Variants in BABAM2 observed in about 807,000 individuals in gnomAD.
BABAM2 encodes BRISC and BRCA1 A complex member 2, also known as BRISC and BRCA1-A complex member 2.
In BABAM2, 31 loss-of-function variants were observed where a neutral mutation model predicts 54.7. That is an observed-to-expected ratio of 0.57 (90% CI 0.43 to 0.77). BABAM2 has a LOEUF of 0.77. BABAM2 is among the 30% of genes least tolerant of loss of function. The pLI is 0.00. For synonymous variants in BABAM2, 167 were observed against 162.9 expected (o/e 1.03, Z -0.19); for missense variants, 364 against 455.8 (o/e 0.80, Z 1.83).
Position 28,112,796 on chromosome 2 carries a change from A to G in BABAM2, c.571-16475A>G, listed in dbSNP as rs1237781243. On this transcript the variant is annotated intron_variant, in intron 6 of 11. Coordinates refer to ENST00000379624, the MANE Select transcript of BABAM2 (RefSeq NM_199191.3). ...AGGAATCGCCACACTGTCTTCCACA[A>G]TGGTTGAACTAATTTACACTCTCAA... is the stretch of plus-strand genomic sequence containing the variant. Among the ~76,000 whole-genome samples, 3 of 152,156 alleles carry G rather than the reference A, an allele frequency of 2.0e-5. No homozygotes were observed. In the East Asian group the frequency reaches 5.8e-4, roughly 29 times the overall value.
intron 4 of BABAM2, among the ~76,000 whole-genome samples, chr2:28,010,470 C>G (rs1674306638): frequency 6.6e-6 from 1 of 152,130 alleles, no homozygotes; most frequent in Non-Finnish European, 1.5e-5. Context: ...CAAACCAAAT[C>G]TATACTTTTG....
intron 10 of BABAM2, among the ~76,000 whole-genome samples, chr2:28,268,196 C>T (rs934686172): frequency 7.2e-5 from 11 of 152,106 alleles, no homozygotes; most frequent in African/African-American, 2.4e-4. Context: ...GTGTCCTGGC[C>T]GCAGTGGCAC....
intron 2 of BABAM2, among the ~76,000 whole-genome samples, chr2:27,922,162 T>C (rs752999802): frequency 6.6e-6 from 1 of 152,248 alleles, no homozygotes; most frequent in Admixed American, 6.5e-5. Flanking sequence ...GATGTCATCA[T>C]CTGTAAAATG....
chr2:27,902,930 A>T (rs1260869857), intron 2 of BABAM2, among the ~76,000 whole-genome samples: 4 of 151,630 alleles, frequency 2.6e-5, no homozygotes, highest in East Asian at 1.9e-4. Context: ...TGTGTGAGAG[A>T]GAGAGAGAGA....
chr2:28,104,268 G>A (rs943416722), intron 6 of BABAM2, among the ~76,000 whole-genome samples: 20 of 152,056 alleles, frequency 1.3e-4, no homozygotes, highest in African/African-American at 4.1e-4. Context: ...CTACAGAATG[G>A]GAGAAAATTT....
intron 10 of BABAM2, among the ~76,000 whole-genome samples, chr2:28,247,423 C>A (rs1043615989): frequency 1.3e-5 from 2 of 152,196 alleles, no homozygotes; most frequent in African/African-American, 4.8e-5. Flanking sequence ...TGCAGTTAAG[C>A]ATCTGACACT....
At chr2:28,149,031 A>G (rs1386397819) in intron 7 of BABAM2, among the ~76,000 whole-genome samples, 1 of 152,194 alleles carries the variant, frequency 6.6e-6, no homozygotes, top group African/African-American at 2.4e-5. Flanking sequence ...ATTAATAGCA[A>G]TGCATTTTCC....
intron 6 of BABAM2, among the ~76,000 whole-genome samples, chr2:28,101,417 T>C (rs1667070737): frequency 6.6e-6 from 1 of 152,234 alleles, no homozygotes; most frequent in Admixed American, 6.5e-5. Context: ...TATGTTGGCA[T>C]GTGAAGTGAG....
At chr2:28,007,085 T>G (rs1416786794) in intron 4 of BABAM2, among the ~76,000 whole-genome samples, 1 of 152,070 alleles carries the variant, frequency 6.6e-6, no homozygotes, top group South Asian at 2.1e-4. Context: ...AGCATCAGTA[T>G]TATTATTAAC....
intron 7 of BABAM2, among the ~76,000 whole-genome samples, chr2:28,181,203 C>T (rs1212136884): frequency 6.6e-6 from 1 of 152,076 alleles, no homozygotes; most frequent in Non-Finnish European, 1.5e-5. Flanking sequence ...GTACTATTTA[C>T]AGTAACAAAG....
At chr2:28,157,044 A>T (rs1672607570) in intron 7 of BABAM2, among the ~76,000 whole-genome samples, 1 of 152,200 alleles carries the variant, frequency 6.6e-6, no homozygotes, top group East Asian at 1.9e-4. Flanking sequence ...TGAAAATAGG[A>T]TGCTCTTTTA....
At chr2:28,091,203 G>T (rs1289716002) in intron 6 of BABAM2, among the ~76,000 whole-genome samples, 4 of 152,104 alleles carry the variant, frequency 2.6e-5, no homozygotes, top group African/African-American at 9.7e-5. Context: ...TAAAAATGGG[G>T]CCTTATGCCA....
intron 5 of BABAM2, among the ~76,000 whole-genome samples, chr2:28,044,995 TA>T (rs769876276): frequency 3.8e-3 from 529 of 137,976 alleles, no homozygotes; most frequent in Middle Eastern, 3.8e-3. Flanking sequence ...ATGACAAAGT[TA>T]AAAAAAAAAA....
chr2:27,950,533 A>G (rs1039205216), intron 3 of BABAM2, among the ~76,000 whole-genome samples: 1 of 152,026 alleles, frequency 6.6e-6, no homozygotes, highest in East Asian at 1.9e-4. Context: ...CTTTCTCTAT[A>G]TTGTTGGATT....
intron 10 of BABAM2, among the ~76,000 whole-genome samples, chr2:28,268,880 ATTAT>A (rs1460467547): frequency 6.6e-6 from 1 of 152,244 alleles, no homozygotes; most frequent in Non-Finnish European, 1.5e-5. Context: ...CACTGTAGAG[ATTAT>A]TTGTCTGCGG....
At chr2:28,058,341 T>A (rs1678596267) in intron 6 of BABAM2, among the ~76,000 whole-genome samples, 1 of 152,000 alleles carries the variant, frequency 6.6e-6, no homozygotes, top group Non-Finnish European at 1.5e-5. Context: ...TAATCATTAT[T>A]TTTGAGCAGG....
chr2:28,071,602 A>T (rs1664145876), intron 6 of BABAM2, among the ~76,000 whole-genome samples: 2 of 152,180 alleles, frequency 1.3e-5, no homozygotes, highest in Non-Finnish European at 2.9e-5. Flanking sequence ...TGGTGATACT[A>T]TAATTTTATC....
intron 7 of BABAM2, among the ~76,000 whole-genome samples, chr2:28,210,179 G>T (rs1399040117): frequency 6.6e-6 from 1 of 152,166 alleles, no homozygotes; most frequent in Non-Finnish European, 1.5e-5. Flanking sequence ...GGGAAGGCCT[G>T]TCCTCCCTGG....
intron 8 of BABAM2, among the ~76,000 whole-genome samples, chr2:28,240,245 C>T (rs557612634): frequency 6.6e-6 from 1 of 151,902 alleles, no homozygotes; most frequent in South Asian, 2.1e-4. Context: ...CTCAGGCTCC[C>T]GAGTAGCTAG....
Sources: gnomAD v4.1 joint callset for allele counts (sites outside exome capture counted in the v4.1 genomes callset) on GRCh38, gnomAD v4.1.1 for gene constraint, MANE v1.5 for transcripts, NCBI Gene and HGNC (gene_info 2026-07-23, HGNC 2026-07-21) for gene names.